The following LOC128462377 variants were observed in gnomAD, a reference collection of about 807,000 sequenced individuals.
the LOC128462377 span, among the ~76,000 whole-genome samples, chr16:89,394,448 G>A: frequency 6.6e-6 from 1 of 152,208 alleles, no homozygotes; most frequent in African/African-American, 2.4e-5. Flanking sequence ...GGCCAACATG[G>A]TGAAACCCTG....
chr16:89,325,017 G>A, the LOC128462377 span: 1 of 158,242 alleles, frequency 6.3e-6, no homozygotes, highest in Admixed American at 6.3e-5. Context: ...CTCTCATCAG[G>A]GCCAACTCAC....
the LOC128462377 span, among the ~76,000 whole-genome samples, chr16:89,330,186 AG>A: frequency 6.6e-6 from 1 of 152,266 alleles, no homozygotes; most frequent in East Asian, 1.9e-4. Flanking sequence ...AACTTCAAAA[AG>A]GAAGAGGAAG....
At chr16:89,385,631 C>A in the LOC128462377 span, among the ~76,000 whole-genome samples, 1 of 152,228 alleles carries the variant, frequency 6.6e-6, no homozygotes, top group Non-Finnish European at 1.5e-5. Context: ...CACGATGATG[C>A]ATTTCCACAT....
chr16:89,401,330 G>T, the LOC128462377 span, among the ~76,000 whole-genome samples: 1 of 151,974 alleles, frequency 6.6e-6, no homozygotes, highest in Non-Finnish European at 1.5e-5. Context: ...ACCCACCTTG[G>T]CCTCCCAAAG....
At chr16:89,326,852 GC>G in the LOC128462377 span, among the ~76,000 whole-genome samples, 1 of 152,234 alleles carries the variant, frequency 6.6e-6, no homozygotes, top group Admixed American at 6.5e-5. Context: ...CACAAAGCCT[GC>G]CCGCCAGGGG....
At chr16:89,324,604 C>A in the LOC128462377 span, 3 of 437,050 alleles carry the variant, frequency 6.9e-6, no homozygotes, top group Non-Finnish European at 4.6e-6. Flanking sequence ...GCTGCCAGCA[C>A]GGCAGATCTG....
At chr16:89,395,153 C>A in the LOC128462377 span, among the ~76,000 whole-genome samples, 4 of 152,238 alleles carry the variant, frequency 2.6e-5, no homozygotes, top group Non-Finnish European at 5.9e-5. Flanking sequence ...ACCACTCAAA[C>A]GATCCAAGAG....
the LOC128462377 span, among the ~76,000 whole-genome samples, chr16:89,386,513 G>C: frequency 1.3e-5 from 2 of 152,200 alleles, no homozygotes; most frequent in Non-Finnish European, 2.9e-5. Flanking sequence ...GAGGGTGTGG[G>C]GGAAAGGGGG....
chr16:89,394,232 C>T, the LOC128462377 span, among the ~76,000 whole-genome samples: 2 of 152,240 alleles, frequency 1.3e-5, no homozygotes, highest in Admixed American at 1.3e-4. Flanking sequence ...CGTTCTGGGA[C>T]TGCAGTTCCA....
the LOC128462377 span, among the ~76,000 whole-genome samples, chr16:89,370,924 G>A: frequency 1.3e-5 from 2 of 152,038 alleles, no homozygotes; most frequent in African/African-American, 2.4e-5. Flanking sequence ...CCCTGCAGGC[G>A]CCACGAGACG....
the LOC128462377 span, among the ~76,000 whole-genome samples, chr16:89,348,616 T>C: frequency 6.6e-6 from 1 of 152,224 alleles, no homozygotes; most frequent in Non-Finnish European, 1.5e-5. Flanking sequence ...AAAATTTCAA[T>C]TTCTTTAATA....
the LOC128462377 span, among the ~76,000 whole-genome samples, chr16:89,374,862 T>C: frequency 6.6e-6 from 1 of 152,036 alleles, no homozygotes; most frequent in Non-Finnish European, 1.5e-5. Flanking sequence ...ACAAATACAC[T>C]GAAAAACTTA....
At chr16:89,357,829 G>A in the LOC128462377 span, among the ~76,000 whole-genome samples, 3 of 152,248 alleles carry the variant, frequency 2.0e-5, no homozygotes, top group Admixed American at 1.3e-4. Flanking sequence ...ACAGGACAAC[G>A]CTGCTGAAGG....
chr16:89,354,402 C>T, the LOC128462377 span, among the ~76,000 whole-genome samples: 2 of 152,188 alleles, frequency 1.3e-5, no homozygotes, highest in African/African-American at 4.8e-5. Flanking sequence ...GTGCTTGACA[C>T]AGTCAACACT....
the LOC128462377 span, among the ~76,000 whole-genome samples, chr16:89,377,874 G>A: frequency 6.6e-6 from 1 of 151,510 alleles, no homozygotes; most frequent in Non-Finnish European, 1.5e-5. Flanking sequence ...CCCGCCCCAT[G>A]AGAACAGCAT....
the LOC128462377 span, among the ~76,000 whole-genome samples, chr16:89,344,834 G>T: frequency 6.6e-6 from 1 of 152,224 alleles, no homozygotes; most frequent in Non-Finnish European, 1.5e-5. Context: ...CGAGGCGTGA[G>T]ACTCTCAACC....
At chr16:89,409,649 C>G in the LOC128462377 span, among the ~76,000 whole-genome samples, 1 of 152,184 alleles carries the variant, frequency 6.6e-6, no homozygotes, top group African/African-American at 2.4e-5. Flanking sequence ...TCCTGTTGTA[C>G]CAAAACACAC....
chr16:89,346,520 C>A, the LOC128462377 span, among the ~76,000 whole-genome samples: 2 of 152,220 alleles, frequency 1.3e-5, no homozygotes, highest in African/African-American at 4.8e-5. Context: ...CAGACAACTA[C>A]ACCACACGCC....
At chr16:89,357,936 G>A in the LOC128462377 span, among the ~76,000 whole-genome samples, 14 of 152,350 alleles carry the variant, frequency 9.2e-5, no homozygotes, top group South Asian at 2.7e-3. Flanking sequence ...ATGAAAAGTA[G>A]TAAATCCTTT....
Sources: allele counts gnomAD v4.1 joint callset (sites outside exome capture counted in the v4.1 genomes callset), GRCh38; gene constraint gnomAD v4.1.1; transcripts MANE v1.5.